The following PCDHA13 variants were observed in gnomAD, a reference collection of about 807,000 sequenced individuals.
PCDHA13 encodes the protein protocadherin alpha 13, also known as protocadherin alpha-13.
PCDHA13 carries 54 observed loss-of-function variants against 64.8 expected under a neutral mutation model. The observed-to-expected ratio is 0.83, with a 90% CI of 0.67 to 1.04. The LOEUF (loss-of-function observed/expected upper bound fraction) is 1.04, where lower values mean the gene tolerates loss of function less well. Ranked by LOEUF, PCDHA13 falls within the 50% of genes least tolerant of loss-of-function variation. The pLI, the probability that PCDHA13 is intolerant of heterozygous loss-of-function variation, is 0.00. For synonymous variants in PCDHA13, 587 were observed against 564.4 expected (o/e 1.04, Z -0.57); for missense variants, 1,248 against 1,254.3 (o/e 0.99, Z 0.08).
At chr5:140,926,632 C>T in intron 1 of PCDHA13, 1 of 432,326 alleles carries the variant, frequency 2.3e-6, no homozygotes, top group Admixed American at 4.2e-5. Flanking sequence ...GCGCTGCGCT[C>T]CTCAACACCC....
chr5:140,926,180 C>A (rs1341994925), intron 1 of PCDHA13, among the ~76,000 whole-genome samples: 1 of 151,710 alleles, frequency 6.6e-6, no homozygotes, highest in Admixed American at 6.6e-5. Flanking sequence ...CGCGGAAAGC[C>A]CCCCGCAGCA....
At chr5:140,900,807 A>T (rs868976984) in intron 1 of PCDHA13, among the ~76,000 whole-genome samples, 1 of 152,176 alleles carries the variant, frequency 6.6e-6, no homozygotes, top group African/African-American at 2.4e-5. Context: ...TAGTGCTTGT[A>T]CTAATTTACA....
intron 1 of PCDHA13, chr5:140,969,258 A>G (rs782513796): frequency 9.3e-6 from 15 of 1,614,106 alleles, no homozygotes; most frequent in Admixed American, 8.3e-5. Context: ...GACAGCAGGA[A>G]TCTCACAGGC....
At chr5:140,984,398 A>T (rs1377930175) in intron 3 of PCDHA13, among the ~76,000 whole-genome samples, 1 of 152,142 alleles carries the variant, frequency 6.6e-6, no homozygotes, top group Non-Finnish European at 1.5e-5. Flanking sequence ...AAATGTTGAG[A>T]ACCTATCTTT....
intron 1 of PCDHA13, chr5:140,927,559 G>C: frequency 6.2e-7 from 1 of 1,614,170 alleles, no homozygotes; most frequent in Non-Finnish European, 8.5e-7. Flanking sequence ...CACCATCATT[G>C]TGGTGGACAC....
chr5:140,993,596 A>G (rs562427268), intron 3 of PCDHA13, among the ~76,000 whole-genome samples: 53 of 152,194 alleles, frequency 3.5e-4, no homozygotes, highest in Admixed American at 2.6e-4. Flanking sequence ...CTTGGCTCCA[A>G]TAGAGAATTT....
chr5:140,914,944 CTTTTTT>C (rs35695909), intron 1 of PCDHA13, among the ~76,000 whole-genome samples: 1 of 128,266 alleles, frequency 7.8e-6, no homozygotes, highest in Non-Finnish European at 1.7e-5. Flanking sequence ...GAAAAGTTGT[CTTTTTT>C]TTTTTTTTTT....
chr5:140,973,825 T>A (rs1253333011), intron 1 of PCDHA13, among the ~76,000 whole-genome samples: 5 of 152,246 alleles, frequency 3.3e-5, no homozygotes, highest in Non-Finnish European at 5.9e-5. Context: ...AAGTCAGTTC[T>A]GGGTACTTGC....
At chr5:140,939,603 C>T (rs1158258856) in intron 1 of PCDHA13, among the ~76,000 whole-genome samples, 1 of 152,068 alleles carries the variant, frequency 6.6e-6, no homozygotes, top group Non-Finnish European at 1.5e-5. Flanking sequence ...TGCTCAAAAA[C>T]AGAACAAGGA....
In PCDHA13 at chr5:141,010,888, T is replaced by C. The variant is rs1419215366; in HGVS notation, c.*951T>C. The stretch of plus-strand genomic sequence containing the variant: ...AGCTATAAATCTTTAAAGAGAAATA[T>C]GAATACAATTCCCCTAAACTCTCCT... On this transcript the variant is annotated 3_prime_UTR_variant, in exon 4 of 4. Transcript: ENST00000289272. The C allele has an allele frequency of 3.9e-5, 6 of 153,866 alleles. 1 individual carries two copies. The highest frequency in any genetic ancestry group is 1.4e-4 in the African/African-American group (6 of 41,562). The allele number at this position is 153,866 out of a possible 1,614,324, so 9.5% of individuals were successfully genotyped here. A position where few individuals can be genotyped will look rare whatever the true frequency, so the allele number is the denominator to read the frequency against.
At chr5:140,980,436 C>T (rs1364418994) in intron 2 of PCDHA13, among the ~76,000 whole-genome samples, 1 of 152,134 alleles carries the variant, frequency 6.6e-6, no homozygotes, top group Admixed American at 6.5e-5. Context: ...TCGAGACCAT[C>T]CTGGACAACA....
intron 1 of PCDHA13, among the ~76,000 whole-genome samples, chr5:140,945,791 G>T (rs782283550): frequency 1.3e-5 from 2 of 152,064 alleles, no homozygotes; most frequent in Non-Finnish European, 2.9e-5. Flanking sequence ...GCAGAAAAAT[G>T]AAACTAGACC....
At chr5:141,003,962 C>G (rs2098144287) in intron 3 of PCDHA13, among the ~76,000 whole-genome samples, 1 of 152,098 alleles carries the variant, frequency 6.6e-6, no homozygotes, top group Non-Finnish European at 1.5e-5. Context: ...ACCCTGGGAG[C>G]ATAAGGGAGG....
At chr5:140,898,870 C>T (rs1477095887) in intron 1 of PCDHA13, among the ~76,000 whole-genome samples, 3 of 151,586 alleles carry the variant, frequency 2.0e-5, no homozygotes, top group South Asian at 4.2e-4. Context: ...TTTCATTGAG[C>T]AGTGGTTTGT....
intron 1 of PCDHA13, among the ~76,000 whole-genome samples, chr5:140,886,142 TA>T (rs1473876165): frequency 6.6e-6 from 1 of 152,180 alleles, no homozygotes; most frequent in African/African-American, 2.4e-5. Flanking sequence ...AGATTCTTGA[TA>T]TCACCTTTTT....
chr5:140,942,359 C>T (rs943225700), intron 1 of PCDHA13, among the ~76,000 whole-genome samples: 5 of 151,564 alleles, frequency 3.3e-5, no homozygotes, highest in Non-Finnish European at 5.9e-5. Flanking sequence ...TTGCAGTTAA[C>T]GGAGATTGCA....
In PCDHA13 at chr5:140,990,870, T is replaced by G. The variant is rs550033552; in HGVS notation, c.2542+8307T>G. Among the ~76,000 whole-genome samples, 16 of 152,274 alleles carry G rather than the reference T, an allele frequency of 1.1e-4. No individual in the cohort carries two copies. The South Asian group carries it at 3.3e-3, about 32-fold the overall frequency. On this transcript the variant is annotated intron_variant, in intron 3 of 3. Coordinates refer to ENST00000289272, the MANE Select transcript of PCDHA13 (RefSeq NM_018904.3). ...AGCCCTGAGGACATTGTATTTTAAG[T>G]GTATGTTCCAGTGAGTGGGTCGTTG...
Position 141,011,440 on chromosome 5 carries a change from T to G in PCDHA13, c.*1503T>G, listed in dbSNP as rs2098420601. 1 of 153,808 alleles carries G rather than the reference T, an allele frequency of 6.5e-6. No individual in the cohort carries two copies. Among genetic ancestry groups the G allele is most frequent in the Admixed American group, 6.5e-5 (1 of 15,282 alleles). 9.5% of individuals were successfully genotyped at this position (153,808 alleles called of 1,614,324 possible). A position where few individuals can be genotyped will look rare whatever the true frequency, so the allele number is the denominator to read the frequency against. Reference sequence around the variant, plus strand: ...ATGTTAATGCAACTATTACCTAGAGTGAACTTTAAGCTTTATTGTTGAATG... The same window carrying G: ...ATGTTAATGCAACTATTACCTAGAGGGAACTTTAAGCTTTATTGTTGAATG... On this transcript the variant is annotated 3_prime_UTR_variant, in exon 4 of 4. Transcript: ENST00000289272.
At chr5:140,959,234 G>A (rs2095475246) in intron 1 of PCDHA13, among the ~76,000 whole-genome samples, 2 of 152,106 alleles carry the variant, frequency 1.3e-5, no homozygotes, top group Admixed American at 6.5e-5. Context: ...AAAATTATCT[G>A]GGCATGATAG....
Sources: gnomAD v4.1 joint callset for allele counts (sites outside exome capture counted in the v4.1 genomes callset) on GRCh38, gnomAD v4.1.1 for gene constraint, MANE v1.5 for transcripts, NCBI Gene and HGNC (gene_info 2026-07-23, HGNC 2026-07-21) for gene names.